Variants in HINT3 observed in about 807,000 individuals in gnomAD.
HINT3 encodes the protein adenosine 5'-monophosphoramidase HINT3.
In HINT3, 16 loss-of-function variants were observed where a neutral mutation model predicts 19.1. That is an observed-to-expected ratio of 0.84 (90% confidence interval 0.57 to 1.27). The LOEUF is 1.27. Among genes scored for constraint, HINT3 ranks in the 50% most tolerant of loss-of-function variants. HINT3 has a pLI of 0.00. For synonymous variants in HINT3, 75 were observed against 84.8 expected (o/e 0.88, Z 0.63); for missense variants, 197 against 225.8 (o/e 0.87, Z 0.82).
chr6:125,964,170 T>C (rs1286316605), intron 1 of HINT3, among the ~76,000 whole-genome samples: 1 of 152,208 alleles, frequency 6.6e-6, no homozygotes. Context: ...AAATACTGTA[T>C]CTTTAAGTCA....
In HINT3 at chr6:125,977,941, T is replaced by C. The variant is rs1371797914; in HGVS notation, c.*265T>C. The C allele has an allele frequency of 3.5e-6, 1 of 286,420 alleles. No homozygotes were observed. Among genetic ancestry groups the C allele is most frequent in the African/African-American group, 2.2e-5 (1 of 46,060 alleles). 17.7% of individuals were successfully genotyped at this position (286,420 alleles called of 1,614,324 possible). A position where few individuals can be genotyped will look rare whatever the true frequency, so the allele number is the denominator to read the frequency against. ...AGATAAAATCCTATTTAAGACAAAT[T>C]CTGTTAATCAACAAGGGCTCTGTAT... On this transcript the variant is annotated 3_prime_UTR_variant, in exon 5 of 5. Coordinates refer to ENST00000229633, the MANE Select transcript of HINT3 (RefSeq NM_138571.5).
chr6:125,962,228 A>ATG (rs1788944310), intron 1 of HINT3, among the ~76,000 whole-genome samples: 1 of 35,538 alleles, frequency 2.8e-5, no homozygotes, highest in South Asian at 9.7e-4. Context: ...ATATATATAT[A>ATG]TATATACACA....
intron 3 of HINT3, among the ~76,000 whole-genome samples, chr6:125,972,981 CAT>C (rs1319081782): frequency 6.7e-6 from 1 of 149,594 alleles, no homozygotes; most frequent in Non-Finnish European, 1.5e-5. Context: ...TTTAAAAACA[CAT>C]GATTATAATT....
intron 3 of HINT3, among the ~76,000 whole-genome samples, chr6:125,973,294 G>A (rs988624518): frequency 1.3e-5 from 2 of 151,874 alleles, no homozygotes; most frequent in Non-Finnish European, 2.9e-5. Context: ...GGCCAGGCTG[G>A]TCTCGAACTC....
In HINT3 at chr6:125,979,336, C is replaced by G. The variant is rs1255608819; in HGVS notation, c.*1660C>G. On this transcript the variant is annotated 3_prime_UTR_variant, in exon 5 of 5. Transcript: ENST00000229633. ...GAGCACTTACATAGATTAACAGTTA[C>G]AAGTTTCCATAAATCAGTTAGAATA... 1 of 152,176 alleles carries G rather than the reference C, an allele frequency of 6.6e-6. No homozygotes were observed. Among genetic ancestry groups the G allele is most frequent in the Non-Finnish European group, 1.5e-5 (1 of 68,030 alleles). The allele number at this position is 152,176 out of a possible 1,614,324, so 9.4% of individuals were successfully genotyped here. A position where few individuals can be genotyped will look rare whatever the true frequency, so the allele number is the denominator to read the frequency against.
chr6:125,961,711 G>A (rs773010834), intron 1 of HINT3, among the ~76,000 whole-genome samples: 1 of 152,292 alleles, frequency 6.6e-6, no homozygotes, highest in Non-Finnish European at 1.5e-5. Flanking sequence ...GCCTCCATGA[G>A]TTCAGCTATT....
chr6:125,956,827 T>G lies in HINT3; in HGVS notation c.-151T>G. 2.5e-6 allele frequency: 2 copies of G among 813,576 alleles called. No homozygotes were observed. Among genetic ancestry groups the G allele is most frequent in the Admixed American group, 2.9e-5 (1 of 34,528 alleles). 50.4% of individuals were successfully genotyped at this position (813,576 alleles called of 1,614,324 possible). A position where few individuals can be genotyped will look rare whatever the true frequency, so the allele number is the denominator to read the frequency against. On this transcript the variant is annotated 5_prime_UTR_variant, in exon 1 of 5. Transcript: ENST00000229633. ...CGGCTTTGAAGTTCCTCACCGCGTC[T>G]CCTTCCCTCTCCCCAAAGCCTGGAT...
chr6:125,958,427 A>G (rs979703888), intron 1 of HINT3, among the ~76,000 whole-genome samples: 2 of 152,172 alleles, frequency 1.3e-5, no homozygotes, highest in Admixed American at 6.5e-5. Flanking sequence ...TTGCGGAGTT[A>G]TAGGAAGGGG....
chr6:125,957,087 AGTCACCAGAGCCCAAG>A lies in HINT3; in HGVS notation c.112_127del (p.Ser38ThrfsTer29), dbSNP rs1237641384. On this transcript the variant is annotated frameshift_variant, in exon 1 of 5. Coordinates refer to ENST00000229633, the MANE Select transcript of HINT3 (RefSeq NM_138571.5). LOFTEE classifies it high-confidence loss of function. ...GTGGGGACCTGTGAAGCCGCTGGCA[AGTCACCAGAGCCCAAG>A]GACTACGACAGCACCTGCGTGTTCT... 4.5e-6 allele frequency: 7 copies of A among 1,550,976 alleles called. No individual in the cohort carries two copies. The highest frequency in any genetic ancestry group is 1.7e-4 in the Middle Eastern group (1 of 5,992).
intron 1 of HINT3, among the ~76,000 whole-genome samples, chr6:125,962,189 C>CCT (rs1788938235): frequency 1.6e-5 from 1 of 64,328 alleles, no homozygotes; most frequent in Non-Finnish European, 2.6e-5. Context: ...TATATATACA[C>CCT]ATATATATAT....
At chr6:125,973,230 C>A (rs1789134393) in intron 3 of HINT3, among the ~76,000 whole-genome samples, 1 of 151,650 alleles carries the variant, frequency 6.6e-6, no homozygotes, top group Admixed American at 6.6e-5. Flanking sequence ...TGCATGCCAC[C>A]ATGCCTGGCT....
chr6:125,970,090 G>A (rs1040939195), intron 2 of HINT3, among the ~76,000 whole-genome samples: 2 of 152,182 alleles, frequency 1.3e-5, no homozygotes, highest in Middle Eastern at 3.4e-3. Flanking sequence ...TAGATCAATT[G>A]GGCTAGATTT....
intron 2 of HINT3, among the ~76,000 whole-genome samples, chr6:125,968,089 G>A (rs1296641356): frequency 6.6e-6 from 1 of 152,166 alleles, no homozygotes; most frequent in Non-Finnish European, 1.5e-5. Flanking sequence ...GCTGAGGTTT[G>A]GGATACAAAT....
At chr6:125,972,108 A>G (rs1789109835) in intron 2 of HINT3, 151 bp from the exon 3 acceptor site, 1 of 553,870 alleles carries the variant, frequency 1.8e-6, no homozygotes. Flanking sequence ...CCTCCTCCCA[A>G]AGTGTTGGGA....
intron 1 of HINT3, among the ~76,000 whole-genome samples, chr6:125,962,705 A>C (rs921903747): frequency 1.3e-5 from 2 of 152,174 alleles, no homozygotes; most frequent in African/African-American, 4.8e-5. Flanking sequence ...TCACTCCATA[A>C]ACCTCCATAT....
chr6:125,977,725 G>C lies in HINT3; in HGVS notation c.*49G>C. The C allele has an allele frequency of 8.7e-7, 1 of 1,143,012 alleles. No individual in the cohort carries two copies. The highest frequency in any genetic ancestry group is 2.7e-5 in the East Asian group (1 of 37,084). The allele number at this position is 1,143,012 out of a possible 1,614,324, so 70.8% of individuals were successfully genotyped here. The stretch of plus-strand genomic sequence containing the variant: ...TCTAATCTTGGTTCAGCATGAAGTG[G>C]TATTTAGGTCCCTTTTAAGTCTAAT... On this transcript the variant is annotated 3_prime_UTR_variant, in exon 5 of 5. Coordinates refer to ENST00000229633, the MANE Select transcript of HINT3 (RefSeq NM_138571.5).
chr6:125,963,253 G>C (rs117560632), intron 1 of HINT3, among the ~76,000 whole-genome samples: 2 of 152,110 alleles, frequency 1.3e-5, no homozygotes, highest in African/African-American at 4.8e-5. Flanking sequence ...CATCCGTGAA[G>C]CTAGTGATAA....
At chr6:125,964,415 CTT>C (rs1032805348) in intron 1 of HINT3, among the ~76,000 whole-genome samples, 80 of 152,026 alleles carry the variant, frequency 5.3e-4, no homozygotes, top group African/African-American at 1.8e-3. Flanking sequence ...CCATAAGAAA[CTT>C]TTAAAAACTT....
intron 2 of HINT3, among the ~76,000 whole-genome samples, chr6:125,967,326 C>CTTTT (rs537273461): frequency 1.1e-5 from 1 of 95,188 alleles, no homozygotes; most frequent in Non-Finnish European, 2.0e-5. Context: ...ATTTTTATGA[C>CTTTT]TTTTTTTTTT....
Sources: allele counts gnomAD v4.1 joint callset (sites outside exome capture counted in the v4.1 genomes callset), GRCh38; gene constraint gnomAD v4.1.1; transcripts MANE v1.5; gene names NCBI Gene and HGNC (gene_info 2026-07-23, HGNC 2026-07-21).